Variants in VPS9D1 observed in about 807,000 individuals in gnomAD.
VPS9D1 encodes VPS9 domain containing 1, also known as VPS9 domain-containing protein 1.
VPS9D1 carries 78 observed loss-of-function variants against 75.8 expected under a neutral mutation model. That is an observed-to-expected ratio of 1.03 (90% confidence interval 0.86 to 1.24). The LOEUF (loss-of-function observed/expected upper bound fraction) is 1.24. VPS9D1 is among the 50% of genes most tolerant of loss of function. The pLI, the probability that VPS9D1 is intolerant of heterozygous loss-of-function variation, is 0.00. For missense variants in VPS9D1, 1,057 were observed against 847.7 expected (o/e 1.25, Z -3.07); for synonymous variants, 481 against 385.6 (o/e 1.25, Z -2.90).
chr16:89,716,644 A>G lies in VPS9D1; in HGVS notation c.269-20T>C. On this transcript the variant is annotated intron_variant, in intron 3 of 14. Transcript: ENST00000389386. ...TTTTCCCTGCAAGCCATGGGTAACC[A>G]GGGGTCAAGCGGTGGGCCACATCCC... 1 of 1,610,352 alleles carries G rather than the reference A, an allele frequency of 6.2e-7. No homozygotes were observed. Among genetic ancestry groups the G allele is most frequent in the Non-Finnish European group, 8.5e-7 (1 of 1,177,214 alleles).
intron 2 of VPS9D1, 80 bp downstream of exon 2, chr16:89,718,947 T>G: frequency 1.6e-6 from 2 of 1,259,626 alleles, no homozygotes; most frequent in Non-Finnish European, 2.3e-6. Context: ...TCTCCTGACC[T>G]CAGGTGATAG....
intron 14 of VPS9D1, 24 bp downstream of exon 14, chr16:89,708,403 C>T (rs1298425554): frequency 6.3e-7 from 1 of 1,595,338 alleles, no homozygotes; most frequent in Non-Finnish European, 8.5e-7. Flanking sequence ...ACAGAGACCC[C>T]CACCCTGACC....
At chr16:89,709,507 G>A in intron 11 of VPS9D1, 72 bp from the exon 12 acceptor site, 1 of 1,438,616 alleles carries the variant, frequency 7.0e-7, no homozygotes, top group Non-Finnish European at 9.1e-7. Flanking sequence ...GGCTGTGGCT[G>A]GAGCTCAGTC....
Position 89,712,524 on chromosome 16 carries a change from TG to T in VPS9D1, c.544-3del, listed in dbSNP as rs143123169. Reference sequence around the variant, plus strand: ...CATCTGCCGCTGTAGAGAGAGGGTCTGGGGGGGGAGGAGGGAGTAAGGCCGA... The same window carrying T: ...CATCTGCCGCTGTAGAGAGAGGGTCTGGGGGGGAGGAGGGAGTAAGGCCGA... On this transcript the variant is annotated splice_polypyrimidine_tract_variant and splice_region_variant and intron_variant, in intron 5 of 14. Transcript: ENST00000389386. 3.0e-5 allele frequency: 49 copies of T among 1,611,014 alleles called. No homozygotes were observed. The highest frequency in any genetic ancestry group is 5.0e-5 in the Admixed American group (3 of 59,766).
Position 89,711,863 on chromosome 16 carries a change from G to C in VPS9D1, c.747+19C>G, listed in dbSNP as rs1313329780. The C allele has an allele frequency of 2.1e-5, 33 of 1,549,394 alleles. No homozygotes were observed. Among genetic ancestry groups the C allele is most frequent in the Non-Finnish European group, 2.8e-5 (32 of 1,146,064 alleles). On this transcript the variant is annotated intron_variant, in intron 8 of 14. Transcript: ENST00000389386. Reference sequence around the variant, plus strand: ...TCGCTGGGCTCCTCCTACAAAGCCTGGGCCCGTGGGGGACGCACATGGTCC... The same window carrying C: ...TCGCTGGGCTCCTCCTACAAAGCCTCGGCCCGTGGGGGACGCACATGGTCC...
In VPS9D1 at chr16:89,709,319, T is replaced by C. The variant is rs2060862521; in HGVS notation, c.1505A>G (p.Lys502Arg). 2 of 1,604,348 alleles carry C rather than the reference T, an allele frequency of 1.2e-6. No homozygotes were observed. The highest frequency in any genetic ancestry group is 1.7e-5 in the Admixed American group (1 of 59,174). Residue 502 changes from lysine to arginine, a missense_variant, in exon 12 of 15, where the codon AAG becomes AGG. Coordinates refer to ENST00000389386, the MANE Select transcript of VPS9D1 (RefSeq NM_004913.3). ...GCAGTAGGGGTAGCCAGTGGCCCCC[T>C]TGGCCTCAGGGTTCTGGGGGAGGAG... Reference protein sequence around the residue: ...TKLLPQNPEAKGATGYPYCAA... With the variant: ...TKLLPQNPEARGATGYPYCAA...
chr16:89,718,227 A>C, intron 2 of VPS9D1: 1 of 376,832 alleles, frequency 2.7e-6, no homozygotes, highest in South Asian at 1.9e-5. Flanking sequence ...GCTCTGTTCC[A>C]CCTTCAGGAC....
At position 89,712,687 on chromosome 16, in the gene VPS9D1, A is replaced by C. The variant is rs539715214; in HGVS notation, c.461T>G (p.Leu154Arg). 24 of 1,610,814 alleles carry C rather than the reference A, an allele frequency of 1.5e-5. 1 individual carries two copies. In the South Asian group the frequency reaches 2.3e-4, roughly 16 times the overall value. ...KELTPLEEAS[L>R]QNQKLKAAYE... ...CGCAGCCTTCAGCTTCTGATTCTGC[A>C]GGGAGGCCTCCTCCAGTGGCGTCAG... The change falls in exon 5 of 15, where the codon CTG becomes CGG. Residue 154 changes from leucine (L) to arginine (R), a missense_variant. By Grantham distance (102) the Leu-to-Arg change is moderately radical. Coordinates refer to ENST00000389386, the MANE Select transcript of VPS9D1 (RefSeq NM_004913.3).
At position 89,714,684 on chromosome 16, in the gene VPS9D1, T is replaced by C. The variant is rs138600494; in HGVS notation, c.431+1778A>G. On this transcript the variant is annotated intron_variant, in intron 4 of 14. Coordinates refer to ENST00000389386, the MANE Select transcript of VPS9D1 (RefSeq NM_004913.3). ...TTTGTGTCTTTGTATCTTTCATCAG[T>C]TCTAGACAACTGTCTGCCATTCTAA... 2.8e-4 allele frequency among the ~76,000 whole-genome samples: 42 copies of C among 152,352 alleles called. No individual in the cohort carries two copies. The East Asian group carries it at 7.9e-3, about 29-fold the overall frequency.
At chr16:89,709,134 G>A (rs895891117) in intron 12 of VPS9D1, 93 bp downstream of exon 12, 71 of 1,524,710 alleles carry the variant, frequency 4.7e-5, no homozygotes, top group Non-Finnish European at 5.9e-5. Context: ...CCACCGGCAC[G>A]TGACAAGAGA....
chr16:89,708,825 C>A, intron 13 of VPS9D1, 32 bp downstream of exon 13: 1 of 1,551,946 alleles, frequency 6.4e-7, no homozygotes, highest in Non-Finnish European at 8.7e-7. Flanking sequence ...GGCCCTTCCT[C>A]CCTGGCCACA....
At chr16:89,718,619 C>T (rs1406674969) in intron 2 of VPS9D1, among the ~76,000 whole-genome samples, 3 of 152,186 alleles carry the variant, frequency 2.0e-5, no homozygotes, top group East Asian at 1.9e-4. Flanking sequence ...TACAAGAGAC[C>T]CCCGCCGAAG....
At chr16:89,715,512 C>T (rs2061042442) in intron 4 of VPS9D1, among the ~76,000 whole-genome samples, 1 of 151,874 alleles carries the variant, frequency 6.6e-6, no homozygotes, top group Non-Finnish European at 1.5e-5. Flanking sequence ...AGGCGTGAGC[C>T]ACCGCGCCCG....
At position 89,720,769 on chromosome 16, in the gene VPS9D1, C is replaced by A. The variant is rs759021430; in HGVS notation, c.93G>T (p.Arg31=). 1 of 1,451,544 alleles carries A rather than the reference C, an allele frequency of 6.9e-7. No homozygotes were observed. Among genetic ancestry groups the A allele is most frequent in the Non-Finnish European group, 9.1e-7 (1 of 1,098,574 alleles). 89.9% of individuals were successfully genotyped at this position (1,451,544 alleles called of 1,614,324 possible). Residue 31 remains arginine, a synonymous_variant, in exon 1 of 15, where the codon CGG becomes CGT. Coordinates refer to ENST00000389386, the MANE Select transcript of VPS9D1 (RefSeq NM_004913.3). ...CGCCCCCGCCCCGCCTCACCCGGGG[C>A]CGGTTGCCGGTGTCCAGCTCGATGG... The part of the protein sequence containing the change: ...NGAIELDTGN[R]PREAYTEYLR...
In VPS9D1 at chr16:89,711,019, G is replaced by T. The variant is rs773624407; in HGVS notation, c.834-9C>A. On this transcript the variant is annotated splice_polypyrimidine_tract_variant and intron_variant, in intron 9 of 14. Transcript: ENST00000389386. ...TCGGGTGGTCGGGGAGGCTGCGGGA[G>T]AAGAGGACGTGAGAACGCGGCCAGC... 57 of 1,437,264 alleles carry T rather than the reference G, an allele frequency of 4.0e-5. No homozygotes were observed. The highest frequency in any genetic ancestry group is 4.9e-5 in the Non-Finnish European group (54 of 1,100,826). The allele number at this position is 1,437,264 out of a possible 1,614,324, so 89.0% of individuals were successfully genotyped here.
intron 8 of VPS9D1, 58 bp from the exon 9 acceptor site, chr16:89,711,470 C>T: frequency 2.0e-6 from 3 of 1,498,692 alleles, no homozygotes; most frequent in Non-Finnish European, 2.7e-6. Context: ...CCGGACGCGC[C>T]TCATCTCCCA....
At chr16:89,718,839 G>A (rs1216323371) in intron 2 of VPS9D1, among the ~76,000 whole-genome samples, 188 bp downstream of exon 2, 1 of 151,470 alleles carries the variant, frequency 6.6e-6, no homozygotes, top group African/African-American at 2.4e-5. Flanking sequence ...TCAGCCTCCC[G>A]AGTAGCTGGG....
chr16:89,712,237 G>A, intron 6 of VPS9D1, 138 bp from the exon 7 acceptor site: 1 of 1,384,058 alleles, frequency 7.2e-7, no homozygotes, highest in Non-Finnish European at 9.9e-7. Context: ...GGCTTCTGGG[G>A]CAGAAGGCAG....
At chr16:89,720,327 C>T in intron 1 of VPS9D1, 2 of 849,832 alleles carry the variant, frequency 2.4e-6, no homozygotes, top group Non-Finnish European at 2.8e-6. Flanking sequence ...CTTCCTAAGA[C>T]GACTGCAAAC....
Sources: allele counts gnomAD v4.1 joint callset (sites outside exome capture counted in the v4.1 genomes callset), GRCh38; gene constraint gnomAD v4.1.1; transcripts MANE v1.5; gene names NCBI Gene and HGNC (gene_info 2026-07-23, HGNC 2026-07-21).